Variants in ATP9B observed in about 807,000 individuals in gnomAD.
ATP9B encodes ATPase phospholipid transporting 9B, also known as probable phospholipid-transporting ATPase IIB.
ATP9B carries 110 observed loss-of-function variants against 146.1 expected under a neutral mutation model. The ratio of observed to expected loss-of-function variants is 0.75; its 90% CI spans 0.65 to 0.88. The LOEUF is 0.88. Among genes scored for constraint, ATP9B ranks in the 40% least tolerant of loss-of-function variants. The probability of loss-of-function intolerance (pLI) is 0.00; values close to 1 mark genes in which losing one functional copy is unlikely to be tolerated. For missense variants in ATP9B, 1,499 were observed against 1,496.4 expected (o/e 1.00, Z -0.03); for synonymous variants, 604 against 569.7 (o/e 1.06, Z -0.86).
chr18:79,123,227 G>T (rs2094219777), intron 4 of ATP9B, among the ~76,000 whole-genome samples: 1 of 152,100 alleles, frequency 6.6e-6, no homozygotes, highest in African/African-American at 2.4e-5. Flanking sequence ...TAGCAGGGTT[G>T]CAGGATACAA....
chr18:79,235,700 C>T (rs534994915), intron 11 of ATP9B, among the ~76,000 whole-genome samples: 4 of 151,748 alleles, frequency 2.6e-5, no homozygotes, highest in Admixed American at 2.6e-4. Flanking sequence ...ACCAAGGTGA[C>T]CACCATCTTA....
At chr18:79,117,027 A>G in intron 4 of ATP9B, among the ~76,000 whole-genome samples, 1 of 147,670 alleles carries the variant, frequency 6.8e-6, no homozygotes, top group Non-Finnish European at 1.5e-5. Flanking sequence ...ATGTCTAACA[A>G]TAGATTATTC....
intron 11 of ATP9B, among the ~76,000 whole-genome samples, chr18:79,229,752 A>T (rs1234252965): frequency 1.3e-5 from 2 of 152,250 alleles, no homozygotes; most frequent in African/African-American, 4.8e-5. Flanking sequence ...TTACATTCTT[A>T]AACCTTAGCT....
intron 7 of ATP9B, among the ~76,000 whole-genome samples, chr18:79,154,863 AT>A (rs1360229775): frequency 6.6e-6 from 1 of 152,252 alleles, no homozygotes; most frequent in African/African-American, 2.4e-5. Flanking sequence ...TCCTATAAAA[AT>A]TTTCTTTGAA....
intron 12 of ATP9B, among the ~76,000 whole-genome samples, chr18:79,258,570 A>G (rs2096108357): frequency 1.3e-5 from 2 of 152,214 alleles, no homozygotes; most frequent in African/African-American, 2.4e-5. Context: ...TCTACATACA[A>G]CACCCACACC....
At chr18:79,254,752 T>C (rs1181283741) in intron 12 of ATP9B, 2 of 152,552 alleles carry the variant, frequency 1.3e-5, no homozygotes, top group Non-Finnish European at 2.9e-5. Flanking sequence ...ATGTGCCAGC[T>C]GCTTCCCACC....
intron 13 of ATP9B, among the ~76,000 whole-genome samples, chr18:79,299,020 TAGACTTCTGA>T (rs1268601219): frequency 6.6e-6 from 1 of 152,234 alleles, no homozygotes; most frequent in Admixed American, 6.5e-5. Flanking sequence ...TGCTCTTTTC[TAGACTTCTGA>T]AGATTTCATG....
At chr18:79,203,578 C>T (rs1000496479) in intron 9 of ATP9B, among the ~76,000 whole-genome samples, 18 of 152,134 alleles carry the variant, frequency 1.2e-4, no homozygotes, top group African/African-American at 4.3e-4. Flanking sequence ...ATTGCCTATT[C>T]TGTGCTAGGT....
At position 79,352,689 on chromosome 18, in the gene ATP9B, A is replaced by C. The variant is rs531779218; in HGVS notation, c.2903+4493A>C. ...TCAAGAGTCCTTGTACCTGCTGTGAAGTTTGTCAGAGTAAACTTCAGTGTG... is the reference window on the plus strand; with the variant it reads ...TCAAGAGTCCTTGTACCTGCTGTGACGTTTGTCAGAGTAAACTTCAGTGTG... On this transcript the variant is annotated intron_variant, in intron 25 of 29. Transcript: ENST00000426216. 444 of 152,306 alleles carry C rather than the reference A, an allele frequency of 2.9e-3. 2 individuals are homozygous for C. Among genetic ancestry groups the C allele is most frequent in the African/African-American group, 9.7e-3 (402 of 41,566 alleles). The allele number at this position is 152,306 out of a possible 1,614,324, so 9.4% of individuals were successfully genotyped here.
chr18:79,324,137 C>G (rs1487794048), intron 15 of ATP9B, among the ~76,000 whole-genome samples: 1 of 152,052 alleles, frequency 6.6e-6, no homozygotes, highest in East Asian at 1.9e-4. Context: ...ATATTTTAAT[C>G]GAATTACTCA....
rs375167681 is a variant in ATP9B at position 79,252,358 on chromosome 18, C to T, written c.1108-1023C>T. On this transcript the variant is annotated intron_variant, in intron 11 of 29. Coordinates refer to ENST00000426216, the MANE Select transcript of ATP9B (RefSeq NM_198531.5). ...GCCAGCATCTAAATTAGCCTAAATC[C>T]AGAGTCCCGAGGAATCCTAGTTGCT... Among the ~76,000 whole-genome samples the T allele has an allele frequency of 2.4e-3, 366 of 152,332 alleles. 2 individuals carry two copies. Among genetic ancestry groups the T allele is most frequent in the South Asian group, 6.4e-3 (31 of 4,830 alleles).
chr18:79,350,598 T>C (rs926790901), intron 25 of ATP9B, among the ~76,000 whole-genome samples: 2 of 152,190 alleles, frequency 1.3e-5, no homozygotes, highest in African/African-American at 4.8e-5. Flanking sequence ...ATACAGTTGA[T>C]GGAAATGGTG....
intron 11 of ATP9B, among the ~76,000 whole-genome samples, chr18:79,237,076 A>G (rs1237984814): frequency 5.1e-4 from 17 of 33,288 alleles, no homozygotes; most frequent in Admixed American, 3.5e-4. Flanking sequence ...CTGTGTACAC[A>G]GTCCGTGCAC....
chr18:79,327,949 G>T (rs937706028), intron 15 of ATP9B, among the ~76,000 whole-genome samples: 2 of 124,634 alleles, frequency 1.6e-5, no homozygotes, highest in East Asian at 2.5e-4. Context: ...GCTCTCCGTG[G>T]TTAGCGTGCT....
intron 1 of ATP9B, among the ~76,000 whole-genome samples, chr18:79,084,758 T>A (rs1312447723): frequency 3.3e-5 from 5 of 152,220 alleles, no homozygotes; most frequent in African/African-American, 1.2e-4. Flanking sequence ...ACTTATTGTA[T>A]TTTAAAAGTT....
At chr18:79,311,750 G>A (rs993331906) in intron 15 of ATP9B, among the ~76,000 whole-genome samples, 3 of 152,108 alleles carry the variant, frequency 2.0e-5, no homozygotes, top group African/African-American at 7.2e-5. Context: ...CAGACTCTGC[G>A]GATCACAGGT....
chr18:79,106,064 C>G (rs1261257719), intron 2 of ATP9B, among the ~76,000 whole-genome samples: 1 of 152,112 alleles, frequency 6.6e-6, no homozygotes, highest in Non-Finnish European at 1.5e-5. Context: ...ATTATAGAGG[C>G]ATTTTGTGAA....
intron 15 of ATP9B, among the ~76,000 whole-genome samples, chr18:79,309,659 C>T (rs375317653): frequency 6.9e-6 from 1 of 145,942 alleles, no homozygotes; most frequent in Non-Finnish European, 1.5e-5. Flanking sequence ...AGGACTGATC[C>T]CCAGCAGGTA....
Position 79,110,630 on chromosome 18 carries a change from C to G in ATP9B, c.444+125C>G, listed in dbSNP as rs572683962. 18 of 877,824 alleles carry G rather than the reference C, an allele frequency of 2.1e-5. No homozygotes were observed. In the South Asian group the frequency reaches 4.5e-4, roughly 22 times the overall value. The allele number at this position is 877,824 out of a possible 1,614,324, so 54.4% of individuals were successfully genotyped here. ...GTTGTGTCACATCCAAATCAGTGTCCTTTTGCTTTTGAACCATCTGTGTTC... is the reference window on the plus strand; with the variant it reads ...GTTGTGTCACATCCAAATCAGTGTCGTTTTGCTTTTGAACCATCTGTGTTC... On this transcript the variant is annotated intron_variant, in intron 3 of 29. Coordinates refer to ENST00000426216, the MANE Select transcript of ATP9B (RefSeq NM_198531.5).
Sources: gnomAD v4.1 joint callset for allele counts (sites outside exome capture counted in the v4.1 genomes callset) on GRCh38, gnomAD v4.1.1 for gene constraint, MANE v1.5 for transcripts, NCBI Gene and HGNC (gene_info 2026-07-23, HGNC 2026-07-21) for gene names.